The following NHEJ1 variants were observed in gnomAD, a reference collection of about 807,000 sequenced individuals.
NHEJ1 encodes the protein non-homologous end joining factor 1.
NHEJ1 carries 22 observed loss-of-function variants against 39.4 expected under a neutral mutation model. That is an observed-to-expected ratio of 0.56 (90% CI 0.40 to 0.80). The LOEUF is 0.80. NHEJ1 is among the 30% of genes least tolerant of loss of function. The probability of loss-of-function intolerance (pLI) is 0.00; values close to 1 mark genes in which losing one functional copy is unlikely to be tolerated. For synonymous variants in NHEJ1, 154 were observed against 135.6 expected, an observed-to-expected ratio of 1.14 and a Z score of -0.94; for missense variants, 329 against 357.1, an observed-to-expected ratio of 0.92 and a Z score of 0.63.
At chr2:219,090,354 T>C (rs914127455) in intron 5 of NHEJ1, among the ~76,000 whole-genome samples, 4 of 152,206 alleles carry the variant, frequency 2.6e-5, no homozygotes, top group African/African-American at 9.6e-5. Context: ...CTGCCTGCAC[T>C]ATGGAGTTAT....
Position 219,078,165 on chromosome 2 carries a change from A to T in NHEJ1, c.630T>A (p.Phe210Leu). The T allele has an allele frequency of 6.2e-7, 1 of 1,614,146 alleles. No homozygotes were observed. Among genetic ancestry groups the T allele is most frequent in the Non-Finnish European group, 8.5e-7 (1 of 1,180,026 alleles). The stretch of plus-strand genomic sequence containing the variant: ...TATACAGATCCTGCAGATTCATGAC[A>T]AAGGGCTTTCCATCACCAATGCTGC... ...EACSIGDGKP[F>L]VMNLQDLYMA... Residue 210 changes from phenylalanine (F) to leucine (L), a missense_variant, in exon 6 of 8, where the codon TTT becomes TTA. Transcript: ENST00000356853.
chr2:219,078,621 G>A (rs1470726989), intron 5 of NHEJ1, among the ~76,000 whole-genome samples: 2 of 152,164 alleles, frequency 1.3e-5, no homozygotes, highest in Non-Finnish European at 2.9e-5. Flanking sequence ...AAAGGAGAGA[G>A]AGCAAAATGG....
intron 5 of NHEJ1, among the ~76,000 whole-genome samples, chr2:219,116,064 A>C (rs1185440259): frequency 6.6e-6 from 1 of 152,162 alleles, no homozygotes; most frequent in African/African-American, 2.4e-5. Flanking sequence ...AGGTTGCAGT[A>C]AGCCCAGATC....
chr2:219,077,999 A>T (rs1949029635), intron 6 of NHEJ1, 90 bp downstream of exon 6: 7 of 893,152 alleles, frequency 7.8e-6, no homozygotes, highest in Middle Eastern at 6.0e-4. Flanking sequence ...TTAAATAGTT[A>T]TATGTGGCTA....
intron 5 of NHEJ1, among the ~76,000 whole-genome samples, chr2:219,123,650 T>C (rs1949491038): frequency 1.3e-5 from 2 of 152,188 alleles, no homozygotes; most frequent in Admixed American, 1.3e-4. Flanking sequence ...ATTCCTGCTG[T>C]ACTCATCCAC....
chr2:219,142,798 T>G (rs768800142), intron 5 of NHEJ1, among the ~76,000 whole-genome samples: 1 of 152,228 alleles, frequency 6.6e-6, no homozygotes, highest in South Asian at 2.1e-4. Flanking sequence ...GTTCTTGGCC[T>G]CCATGAAGAT....
Position 219,070,118 on chromosome 2 carries a change from A to G in NHEJ1, c.*6263T>C, listed in dbSNP as rs1317283663. Among the ~76,000 whole-genome samples, 1 of 152,238 alleles carries G rather than the reference A, an allele frequency of 6.6e-6. No homozygotes were observed. The highest frequency in any genetic ancestry group is 2.4e-5 in the African/African-American group (1 of 41,466). ...AATGGCCACAAACTGCCTGTGTTCA[A>G]TAAGCCCACAATCTGCCACAGCCTC... On this transcript the variant is annotated 3_prime_UTR_variant, in exon 8 of 8. Coordinates refer to ENST00000356853, the MANE Select transcript of NHEJ1 (RefSeq NM_024782.3).
intron 5 of NHEJ1, among the ~76,000 whole-genome samples, chr2:219,086,436 T>A (rs1269861492): frequency 6.6e-6 from 1 of 152,178 alleles, no homozygotes. Flanking sequence ...GTAAGGAAGT[T>A]GGTCCCTGTT....
intron 5 of NHEJ1, among the ~76,000 whole-genome samples, chr2:219,100,460 A>AT (rs1949246108): frequency 6.6e-6 from 1 of 151,660 alleles, no homozygotes; most frequent in Non-Finnish European, 1.5e-5. Context: ...AAAAAAAAAA[A>AT]AATAGCTGGG....
chr2:219,139,701 G>C (rs1057092646), intron 5 of NHEJ1, among the ~76,000 whole-genome samples: 10 of 152,268 alleles, frequency 6.6e-5, no homozygotes, highest in African/African-American at 2.4e-4. Context: ...TTCTGAGACA[G>C]AGTCTCGCTC....
intron 5 of NHEJ1, among the ~76,000 whole-genome samples, chr2:219,105,077 G>C (rs1363910680): frequency 1.3e-5 from 2 of 151,720 alleles, no homozygotes; most frequent in African/African-American, 4.8e-5. Context: ...ATTGAGAGGG[G>C]GATATTCTGG....
intron 5 of NHEJ1, among the ~76,000 whole-genome samples, chr2:219,124,009 G>C (rs1195219764): frequency 6.6e-6 from 1 of 152,194 alleles, no homozygotes; most frequent in Non-Finnish European, 1.5e-5. Context: ...AAGGAAATAG[G>C]AGGAATCGAA....
At chr2:219,083,472 A>G (rs963727062) in intron 5 of NHEJ1, among the ~76,000 whole-genome samples, 1 of 11,790 alleles carries the variant, frequency 8.5e-5, no homozygotes, top group Non-Finnish European at 2.8e-4. Context: ...AAATTACTAG[A>G]AAAAAAAAAA....
chr2:219,139,011 T>C (rs563091029), intron 5 of NHEJ1, among the ~76,000 whole-genome samples: 1 of 152,338 alleles, frequency 6.6e-6, no homozygotes, highest in African/African-American at 2.4e-5. Context: ...GAGATAGTGA[T>C]AGAATGTAAC....
At chr2:219,147,218 G>C (rs1328685052) in intron 4 of NHEJ1, among the ~76,000 whole-genome samples, 1 of 152,326 alleles carries the variant, frequency 6.6e-6, no homozygotes, top group African/African-American at 2.4e-5. Flanking sequence ...GGTGGCTCAC[G>C]CCTGTAATCC....
intron 1 of NHEJ1, among the ~76,000 whole-genome samples, chr2:219,159,580 T>TATATGC (rs1949905566): frequency 8.4e-6 from 1 of 118,900 alleles, no homozygotes; most frequent in Non-Finnish European, 1.6e-5. Context: ...TATATGCATA[T>TATATGC]ATATATGCAT....
In NHEJ1 at chr2:219,070,341, G is replaced by A. The variant is rs541516498; in HGVS notation, c.*6040C>T. ...AGACTAGCTGGGATTACAGGTGTGC[G>A]CCACCACATCCAGCTAATTTTTGTA... On this transcript the variant is annotated 3_prime_UTR_variant, in exon 8 of 8. Coordinates refer to ENST00000356853, the MANE Select transcript of NHEJ1 (RefSeq NM_024782.3). Among the ~76,000 whole-genome samples the A allele has an allele frequency of 9.2e-5, 14 of 152,230 alleles. No homozygotes were observed. In the East Asian group the frequency reaches 2.5e-3, roughly 27 times the overall value.
intron 1 of NHEJ1, among the ~76,000 whole-genome samples, chr2:219,159,542 T>TATATGC (rs1553549804): frequency 0.013 from 458 of 34,262 alleles, 31 homozygotes; most frequent in South Asian, 0.018. Context: ...TATATGCATA[T>TATATGC]ATATATATGC....
rs1948988976 is a variant in NHEJ1 at position 219,073,934 on chromosome 2, AG to A, written c.*2446del. On this transcript the variant is annotated 3_prime_UTR_variant, in exon 8 of 8. Transcript: ENST00000356853. ...GGGGCCTCAGGGAGGGGCCCAAGCC[AG>A]GGGGCAGGGCTGGAATACAGCCTGG... Among the ~76,000 whole-genome samples the A allele has an allele frequency of 6.6e-6, 1 of 152,244 alleles. No homozygotes were observed. Among genetic ancestry groups the A allele is most frequent in the South Asian group, 2.1e-4 (1 of 4,834 alleles).
Sources: allele counts gnomAD v4.1 joint callset (sites outside exome capture counted in the v4.1 genomes callset), GRCh38; gene constraint gnomAD v4.1.1; transcripts MANE v1.5; gene names NCBI Gene and HGNC (gene_info 2026-07-23, HGNC 2026-07-21).